ELP4: variants seen among roughly 807,000 people sequenced by gnomAD.
ELP4 encodes the protein elongator complex protein 4.
ELP4 carries 51 observed loss-of-function variants against 48.9 expected under a neutral mutation model. That is an observed-to-expected ratio of 1.04 (90% CI 0.83 to 1.32). The LOEUF is 1.32. Among genes scored for constraint, ELP4 ranks in the 40% most tolerant of loss-of-function variants. The pLI, the probability that ELP4 is intolerant of heterozygous loss-of-function variation, is 0.00. For synonymous variants in ELP4, 210 were observed against 189.2 expected, an observed-to-expected ratio of 1.11 and a Z score of -0.90; for missense variants, 519 against 514.6, an observed-to-expected ratio of 1.01 and a Z score of -0.08.
chr11:31,540,021 T>C (rs139562789), intron 3 of ELP4, among the ~76,000 whole-genome samples: 115 of 152,286 alleles, frequency 7.6e-4, no homozygotes, highest in African/African-American at 2.6e-3. Flanking sequence ...TGGGGAAATA[T>C]TAAGCTACTA....
intron 7 of ELP4, among the ~76,000 whole-genome samples, chr11:31,642,995 A>G (rs563464877): frequency 6.6e-6 from 1 of 151,904 alleles, no homozygotes; most frequent in African/African-American, 2.4e-5. Flanking sequence ...TTTTTGGATT[A>G]CAGAACAAAG....
At chr11:31,674,000 A>T (rs1006694680) in intron 9 of ELP4, among the ~76,000 whole-genome samples, 1 of 152,212 alleles carries the variant, frequency 6.6e-6, no homozygotes, top group Non-Finnish European at 1.5e-5. Context: ...GTTAAGATAT[A>T]ACTGGTTATT....
chr11:31,620,104 G>A (rs546291452), intron 5 of ELP4, among the ~76,000 whole-genome samples: 1 of 152,140 alleles, frequency 6.6e-6, no homozygotes, highest in Admixed American at 6.6e-5. Context: ...TTGTCATCTA[G>A]GAGAGTGAGG....
rs947538847 is a variant in ELP4, at chr11:31,789,180, C to A, written c.*5656C>A. On this transcript the variant is annotated 3_prime_UTR_variant, in exon 10 of 10. Coordinates refer to ENST00000640961, the MANE Select transcript of ELP4 (RefSeq NM_019040.5). Reference sequence around the variant, plus strand: ...TGATTGCATGAAAATGTGTATAAAACATCTATATTCTTGTCAAATATAAAT... The same window carrying A: ...TGATTGCATGAAAATGTGTATAAAAAATCTATATTCTTGTCAAATATAAAT... The A allele has an allele frequency of 4.9e-6, 1 of 205,786 alleles. No individual in the cohort carries two copies. The highest frequency in any genetic ancestry group is 9.9e-6 in the Non-Finnish European group (1 of 100,554). The allele number at this position is 205,786 out of a possible 1,614,324, so 12.7% of individuals were successfully genotyped here. A position where few individuals can be genotyped will look rare whatever the true frequency, so the allele number is the denominator to read the frequency against.
intron 9 of ELP4, chr11:31,719,587 CAAT>C (rs1193264377): frequency 1.0e-5 from 4 of 397,204 alleles, no homozygotes; most frequent in Non-Finnish European, 1.8e-5. Context: ...CTGATACATA[CAAT>C]AATGACAGAA....
intron 6 of ELP4, among the ~76,000 whole-genome samples, chr11:31,629,455 T>C (rs1944813385): frequency 6.6e-6 from 1 of 151,992 alleles, no homozygotes; most frequent in African/African-American, 2.4e-5. Flanking sequence ...TGTTCAATTA[T>C]ATCTGTTGTG....
chr11:31,636,637 T>TGA (rs879646349), intron 7 of ELP4, among the ~76,000 whole-genome samples: 32 of 152,006 alleles, frequency 2.1e-4, no homozygotes, highest in Non-Finnish European at 4.0e-4. Context: ...AAACTGATTT[T>TGA]AACTTATTGT....
chr11:31,701,587 C>T (rs1302470909), intron 9 of ELP4, among the ~76,000 whole-genome samples: 1 of 151,620 alleles, frequency 6.6e-6, no homozygotes, highest in African/African-American at 2.4e-5. Flanking sequence ...AGCTCTGTCT[C>T]CTGGGTTCTA....
chr11:31,535,913 G>T (rs1278861043), intron 2 of ELP4, among the ~76,000 whole-genome samples: 1 of 151,962 alleles, frequency 6.6e-6, no homozygotes, highest in Non-Finnish European at 1.5e-5. Context: ...CCATGTTGTT[G>T]CATGTATAGT....
intron 1 of ELP4, among the ~76,000 whole-genome samples, chr11:31,513,803 A>G (rs1243709732): frequency 6.6e-6 from 1 of 152,210 alleles, no homozygotes; most frequent in African/African-American, 2.4e-5. Context: ...TTGTCTTATG[A>G]TTTTGAAAAT....
chr11:31,698,406 G>A (rs1189829334), intron 9 of ELP4, among the ~76,000 whole-genome samples: 7 of 151,806 alleles, frequency 4.6e-5, no homozygotes, highest in South Asian at 4.2e-4. Context: ...ATTACATTGC[G>A]ACAGCCATAG....
At chr11:31,716,001 T>C (rs1592248224) in intron 9 of ELP4, among the ~76,000 whole-genome samples, 1 of 152,158 alleles carries the variant, frequency 6.6e-6, no homozygotes, top group East Asian at 1.9e-4. Flanking sequence ...TATGTATTAG[T>C]ACAAGGAGGT....
intron 9 of ELP4, among the ~76,000 whole-genome samples, chr11:31,665,970 A>G (rs1592204811): frequency 6.7e-6 from 1 of 149,206 alleles, no homozygotes; most frequent in East Asian, 2.0e-4. Context: ...CTCTCACTTT[A>G]ACATAAAATG....
chr11:31,617,690 T>A (rs1288945189), intron 5 of ELP4, among the ~76,000 whole-genome samples: 3 of 139,324 alleles, frequency 2.2e-5, no homozygotes, highest in South Asian at 2.2e-4. Context: ...ATACTCAAAG[T>A]AAAATGACAA....
chr11:31,605,640 G>A (rs1408865353), intron 5 of ELP4, among the ~76,000 whole-genome samples: 1 of 152,024 alleles, frequency 6.6e-6, no homozygotes, highest in East Asian at 1.9e-4. Flanking sequence ...TTAAAAAAAT[G>A]TATTTTAAGG....
intron 7 of ELP4, among the ~76,000 whole-genome samples, chr11:31,640,903 C>G (rs1945082568): frequency 6.6e-6 from 1 of 151,836 alleles, no homozygotes; most frequent in Non-Finnish European, 1.5e-5. Context: ...TGGGATGGAG[C>G]CTTCTGGAAA....
At chr11:31,693,594 C>G (rs1946329210) in intron 9 of ELP4, among the ~76,000 whole-genome samples, 1 of 152,148 alleles carries the variant, frequency 6.6e-6, no homozygotes, top group African/African-American at 2.4e-5. Flanking sequence ...CAAGTCTTTC[C>G]TATTGTGAAT....
intron 9 of ELP4, among the ~76,000 whole-genome samples, chr11:31,744,627 A>G (rs1182223703): frequency 1.3e-5 from 2 of 152,258 alleles, no homozygotes; most frequent in Non-Finnish European, 2.9e-5. Context: ...AAACAGAACC[A>G]AAGACAAAAA....
At chr11:31,513,302 C>A (rs1011993079) in intron 1 of ELP4, among the ~76,000 whole-genome samples, 1 of 151,958 alleles carries the variant, frequency 6.6e-6, no homozygotes, top group African/African-American at 2.4e-5. Flanking sequence ...CATGTTTGTC[C>A]AGCTAATAAT....
Sources: allele counts gnomAD v4.1 joint callset (sites outside exome capture counted in the v4.1 genomes callset), GRCh38; gene constraint gnomAD v4.1.1; transcripts MANE v1.5; gene names NCBI Gene and HGNC (gene_info 2026-07-23, HGNC 2026-07-21).